The following SLC5A3 variants were observed in gnomAD, a reference collection of about 807,000 sequenced individuals.
SLC5A3 encodes solute carrier family 5 member 3, also known as sodium/myo-inositol cotransporter.
A neutral mutation model predicts 43.2 loss-of-function variants in SLC5A3; 10 were observed. The observed-to-expected ratio is 0.23, with a 90% CI of 0.14 to 0.39. The LOEUF (loss-of-function observed/expected upper bound fraction) is 0.39, where lower values mean the gene tolerates loss of function less well. Among genes scored for constraint, SLC5A3 ranks in the 10% least tolerant of loss-of-function variants. SLC5A3 has a pLI of 1.00. For synonymous variants in SLC5A3, 349 were observed against 322.0 expected (o/e 1.08, Z -0.90); for missense variants, 608 against 893.4 (o/e 0.68, Z 4.07).
At chr21:34,089,078 G>C (rs1458833740) in intron 1 of SLC5A3, among the ~76,000 whole-genome samples, 2 of 152,108 alleles carry the variant, frequency 1.3e-5, no homozygotes, top group East Asian at 1.9e-4. Context: ...CCAGGCTGGA[G>C]TGCAGAGGTG....
chr21:34,091,359 AT>A (rs1250994719), intron 1 of SLC5A3, among the ~76,000 whole-genome samples: 3 of 151,018 alleles, frequency 2.0e-5, no homozygotes, highest in Non-Finnish European at 4.4e-5. Context: ...GTGGTTTTTT[AT>A]TTTATTATTT....
rs779159181 is a variant in SLC5A3 at position 34,098,346 on chromosome 21, G to A, written c.*991G>A. The A allele has an allele frequency of 2.2e-5, 22 of 1,000,046 alleles. No homozygotes were observed. Among genetic ancestry groups the A allele is most frequent in the East Asian group, 1.1e-4 (1 of 8,828 alleles). 61.9% of individuals were successfully genotyped at this position (1,000,046 alleles called of 1,614,324 possible). Reference sequence around the variant, plus strand: ...TCCAGAAACCTGAAGAAAAATTGACGCTGCCTTTGTGTGCTGGATTGCTCT... The same window carrying A: ...TCCAGAAACCTGAAGAAAAATTGACACTGCCTTTGTGTGCTGGATTGCTCT... On this transcript the variant is annotated 3_prime_UTR_variant, in exon 2 of 2. Coordinates refer to ENST00000381151, the MANE Select transcript of SLC5A3 (RefSeq NM_006933.7).
chr21:34,104,396 T>C lies in SLC5A3; in HGVS notation c.*7041T>C, dbSNP rs1218361475. 1.0e-6 allele frequency: 1 copy of C among 1,000,200 alleles called. No individual in the cohort carries two copies. Among genetic ancestry groups the C allele is most frequent in the Non-Finnish European group, 1.2e-6 (1 of 829,960 alleles). The allele number at this position is 1,000,200 out of a possible 1,614,324, so 62.0% of individuals were successfully genotyped here. On this transcript the variant is annotated 3_prime_UTR_variant, in exon 2 of 2. Transcript: ENST00000381151. ...TCACTTCACCTCCGAGTAGCTTGTT[T>C]ATCAAGAATGAATGAATGTCTTTGT...
At chr21:34,079,602 ATTTTTTTTTTTTTTT>A (rs398036389) in intron 1 of SLC5A3, among the ~76,000 whole-genome samples, 490 of 43,708 alleles carry the variant, frequency 0.011, 5 homozygotes, top group Non-Finnish European at 0.017. Flanking sequence ...GACCCAGCTA[ATTTTTTTTTTTTTTT>A]TTTTTTTTTT....
In SLC5A3 at chr21:34,092,139, T is replaced by TATAA. The variant is rs909155340; in HGVS notation, c.-336-2723_-336-2722insTAAA. Among the ~76,000 whole-genome samples the TATAA allele has an allele frequency of 4.5e-4, 68 of 150,948 alleles. 1 individual carries two copies. The highest frequency in any genetic ancestry group is 1.9e-3 in the East Asian group (10 of 5,144). On this transcript the variant is annotated intron_variant, in intron 1 of 1. Coordinates refer to ENST00000381151, the MANE Select transcript of SLC5A3 (RefSeq NM_006933.7). ...AGGAAGAAAAACATATATATATATA[T>TATAA]AACATACTGTATATTCAGAACCATT... is the stretch of plus-strand genomic sequence containing the variant.
In SLC5A3 at chr21:34,101,526, A is replaced by C. The variant is rs78729486; in HGVS notation, c.*4171A>C. On this transcript the variant is annotated 3_prime_UTR_variant, in exon 2 of 2. Transcript: ENST00000381151. The stretch of plus-strand genomic sequence containing the variant: ...AAATGGGATCTGTTTCTATATGTGT[A>C]TATGCCCACTTACCATTCAGAGAGA... The C allele has an allele frequency of 1.0e-6, 1 of 1,000,068 alleles. No homozygotes were observed. Among genetic ancestry groups the C allele is most frequent in the Non-Finnish European group, 1.2e-6 (1 of 829,966 alleles). The allele number at this position is 1,000,068 out of a possible 1,614,324, so 61.9% of individuals were successfully genotyped here. A position where few individuals can be genotyped will look rare whatever the true frequency, so the allele number is the denominator to read the frequency against.
intron 1 of SLC5A3, among the ~76,000 whole-genome samples, chr21:34,074,365 C>T (rs1466249960): frequency 6.6e-6 from 1 of 152,242 alleles, no homozygotes; most frequent in Non-Finnish European, 1.5e-5. Context: ...TTTCTGACTT[C>T]AGCGAAAATC....
chr21:34,100,700 G>T lies in SLC5A3; in HGVS notation c.*3345G>T. 2.0e-6 allele frequency: 2 copies of T among 1,000,216 alleles called. No individual in the cohort carries two copies. Among genetic ancestry groups the T allele is most frequent in the Non-Finnish European group, 2.4e-6 (2 of 829,984 alleles). 62.0% of individuals were successfully genotyped at this position (1,000,216 alleles called of 1,614,324 possible). A position where few individuals can be genotyped will look rare whatever the true frequency, so the allele number is the denominator to read the frequency against. On this transcript the variant is annotated 3_prime_UTR_variant, in exon 2 of 2. Coordinates refer to ENST00000381151, the MANE Select transcript of SLC5A3 (RefSeq NM_006933.7). ...GTTGTTATGCACTTCTGTAACTTGA[G>T]GCTAAGCAAGGGGTTAACTCTTGTG...
Position 34,105,614 on chromosome 21 carries a change from A to G in SLC5A3, c.*8259A>G. On this transcript the variant is annotated 3_prime_UTR_variant, in exon 2 of 2. Transcript: ENST00000381151. ...AGTACACTGGGGGTGTATATTGTGT[A>G]CATGTGTCATTTTAGTTAGGCATTG... 1 of 1,000,142 alleles carries G rather than the reference A, an allele frequency of 1.0e-6. No homozygotes were observed. The highest frequency in any genetic ancestry group is 1.2e-6 in the Non-Finnish European group (1 of 829,878). 62.0% of individuals were successfully genotyped at this position (1,000,142 alleles called of 1,614,324 possible).
At chr21:34,080,705 C>A (rs951774825) in intron 1 of SLC5A3, among the ~76,000 whole-genome samples, 1 of 152,182 alleles carries the variant, frequency 6.6e-6, no homozygotes, top group African/African-American at 2.4e-5. Flanking sequence ...GTTTTACCTC[C>A]TTTGCTAGAT....
Position 34,103,779 on chromosome 21 carries a change from G to GT in SLC5A3, c.*6427dup. 4.0e-6 allele frequency: 4 copies of GT among 1,000,090 alleles called. No individual in the cohort carries two copies. Among genetic ancestry groups the GT allele is most frequent in the Non-Finnish European group, 4.8e-6 (4 of 829,912 alleles). 62.0% of individuals were successfully genotyped at this position (1,000,090 alleles called of 1,614,324 possible). A position where few individuals can be genotyped will look rare whatever the true frequency, so the allele number is the denominator to read the frequency against. ...GGACCCAAAGGAATAATCTCAATAA[G>GT]TTTGTACCACATTGATGGAGGGAGA... On this transcript the variant is annotated 3_prime_UTR_variant, in exon 2 of 2. Transcript: ENST00000381151.
Position 34,098,807 on chromosome 21 carries a change from T to A in SLC5A3, c.*1452T>A. 1.0e-6 allele frequency: 1 copy of A among 1,000,000 alleles called. No homozygotes were observed. The highest frequency in any genetic ancestry group is 1.2e-6 in the Non-Finnish European group (1 of 829,736). The allele number at this position is 1,000,000 out of a possible 1,614,324, so 61.9% of individuals were successfully genotyped here. On this transcript the variant is annotated 3_prime_UTR_variant, in exon 2 of 2. Coordinates refer to ENST00000381151, the MANE Select transcript of SLC5A3 (RefSeq NM_006933.7). Reference sequence around the variant, plus strand: ...AGAAAAGCTCTACAGATTACGTACTTCTGTGTCTTCGTATGCTCAACACTG... The same window carrying A: ...AGAAAAGCTCTACAGATTACGTACTACTGTGTCTTCGTATGCTCAACACTG...
chr21:34,094,422 A>G (rs547793001), intron 1 of SLC5A3, among the ~76,000 whole-genome samples: 3 of 152,348 alleles, frequency 2.0e-5, no homozygotes, highest in African/African-American at 7.2e-5. Flanking sequence ...CTAACTGGCC[A>G]TAAAGTTACC....
chr21:34,101,557 C>G lies in SLC5A3; in HGVS notation c.*4202C>G, dbSNP rs1000196042. On this transcript the variant is annotated 3_prime_UTR_variant, in exon 2 of 2. Coordinates refer to ENST00000381151, the MANE Select transcript of SLC5A3 (RefSeq NM_006933.7). ...CCACTTACCATTCAGAGAGACTGGT[C>G]TTTCTCTTTGTCTTCCTTCACATTG... The G allele has an allele frequency of 1.0e-6, 1 of 999,958 alleles. No homozygotes were observed. Among genetic ancestry groups the G allele is most frequent in the African/African-American group, 1.7e-5 (1 of 57,208 alleles). The allele number at this position is 999,958 out of a possible 1,614,324, so 61.9% of individuals were successfully genotyped here.
intron 1 of SLC5A3, among the ~76,000 whole-genome samples, chr21:34,082,045 A>G (rs1296746394): frequency 6.9e-6 from 1 of 145,974 alleles, no homozygotes; most frequent in Admixed American, 6.6e-5. Flanking sequence ...CAGATTTTAT[A>G]GGAAATCTGG....
Position 34,095,806 on chromosome 21 carries a change from G to T in SLC5A3, c.608G>T (p.Ser203Ile). The change falls in exon 2 of 2, where the codon AGC (serine) becomes ATC (isoleucine). Residue 203 changes from serine (S) to isoleucine (I), a missense_variant. Transcript: ENST00000381151. ...IIGALTLMIISIMEIGGFEEV... is the reference protein window; with the variant it reads ...IIGALTLMIIIIMEIGGFEEV... ...GGGGCACTTACACTTATGATTATTA[G>T]CATAATGGAGATTGGCGGGTTTGAG... The T allele has an allele frequency of 6.2e-7, 1 of 1,613,914 alleles. No individual in the cohort carries two copies. The highest frequency in any genetic ancestry group is 8.5e-7 in the Non-Finnish European group (1 of 1,179,854).
rs16991196 is a variant in SLC5A3 at position 34,098,374 on chromosome 21, T to A, written c.*1019T>A. 3,394 of 1,000,294 alleles carry A rather than the reference T, an allele frequency of 3.4e-3. 7 individuals are homozygous for A. Among genetic ancestry groups the A allele is most frequent in the Non-Finnish European group, 3.7e-3 (3,056 of 830,006 alleles). 62.0% of individuals were successfully genotyped at this position (1,000,294 alleles called of 1,614,324 possible). A position where few individuals can be genotyped will look rare whatever the true frequency, so the allele number is the denominator to read the frequency against. On this transcript the variant is annotated 3_prime_UTR_variant, in exon 2 of 2. Coordinates refer to ENST00000381151, the MANE Select transcript of SLC5A3 (RefSeq NM_006933.7). ...GCCTTTGTGTGCTGGATTGCTCTAC[T>A]TGATTAGATCATGATATATCAAGGT...
rs369058612 is a variant in SLC5A3, at chr21:34,074,424, T to C, written c.-337+679T>C. 6.6e-5 allele frequency among the ~76,000 whole-genome samples: 10 copies of C among 152,364 alleles called. No individual in the cohort carries two copies. In the East Asian group the frequency reaches 1.7e-3, roughly 26 times the overall value. ...GTTTCATTCATCCAAGTTGTGGCCTTTCTTGCGCCTCCAGAAGACACTTTC... is the reference window on the plus strand; with the variant it reads ...GTTTCATTCATCCAAGTTGTGGCCTCTCTTGCGCCTCCAGAAGACACTTTC... On this transcript the variant is annotated intron_variant, in intron 1 of 1. Coordinates refer to ENST00000381151, the MANE Select transcript of SLC5A3 (RefSeq NM_006933.7).
In SLC5A3 at chr21:34,104,213, T is replaced by C; in HGVS notation, c.*6858T>C. 2.0e-6 allele frequency: 2 copies of C among 1,000,114 alleles called. No homozygotes were observed. Among genetic ancestry groups the C allele is most frequent in the Non-Finnish European group, 2.4e-6 (2 of 829,890 alleles). 62.0% of individuals were successfully genotyped at this position (1,000,114 alleles called of 1,614,324 possible). On this transcript the variant is annotated 3_prime_UTR_variant, in exon 2 of 2. Coordinates refer to ENST00000381151, the MANE Select transcript of SLC5A3 (RefSeq NM_006933.7). ...AGCATCAGACTAATTCTGAAGCATA[T>C]TTGCTAGAGGAGCTACTTTGCTTTT...
Sources: allele counts gnomAD v4.1 joint callset (sites outside exome capture counted in the v4.1 genomes callset), GRCh38; gene constraint gnomAD v4.1.1; transcripts MANE v1.5; gene names NCBI Gene and HGNC (gene_info 2026-07-23, HGNC 2026-07-21).